The following ALK variants were observed in gnomAD, a reference collection of about 807,000 sequenced individuals.
ALK encodes the protein ALK tyrosine kinase receptor.
Under a neutral mutation model 163.1 loss-of-function variants are expected in ALK, and 74 were observed. That is an observed-to-expected ratio of 0.45 (90% CI 0.38 to 0.55). The LOEUF is 0.55. Ranked by LOEUF, ALK falls within the 20% of genes least tolerant of loss-of-function variation. ALK has a pLI of 0.00. For missense variants in ALK, 2,063 were observed against 2,105.3 expected, an observed-to-expected ratio of 0.98 and a Z score of 0.39; for synonymous variants, 960 against 843.2, an observed-to-expected ratio of 1.14 and a Z score of -2.40.
intron 1 of ALK, among the ~76,000 whole-genome samples, chr2:29,905,180 G>T (rs1166340984): frequency 2.6e-5 from 4 of 152,160 alleles, no homozygotes; most frequent in Non-Finnish European, 5.9e-5. Context: ...CTTATCAAGG[G>T]TCATTTACCA....
At chr2:29,621,032 A>G (rs1465517875) in intron 3 of ALK, among the ~76,000 whole-genome samples, 1 of 152,182 alleles carries the variant, frequency 6.6e-6, no homozygotes, top group South Asian at 2.1e-4. Flanking sequence ...AGGAAATTTC[A>G]TCTCAGGTGG....
intron 5 of ALK, among the ~76,000 whole-genome samples, chr2:29,333,827 G>C (rs1440163599): frequency 1.3e-5 from 2 of 152,110 alleles, no homozygotes; most frequent in Admixed American, 6.5e-5. Flanking sequence ...GCTCAGGCTG[G>C]TCTCGAATTC....
intron 1 of ALK, among the ~76,000 whole-genome samples, chr2:29,887,310 G>A (rs1286429325): frequency 6.6e-6 from 1 of 152,230 alleles, no homozygotes; most frequent in African/African-American, 2.4e-5. Context: ...ATAGCAGGAA[G>A]TCTGGGCTTA....
intron 4 of ALK, among the ~76,000 whole-genome samples, chr2:29,391,144 A>G (rs932208944): frequency 6.6e-6 from 1 of 152,082 alleles, no homozygotes; most frequent in African/African-American, 2.4e-5. Flanking sequence ...TCATTTCATC[A>G]GAGATGTTAT....
rs940004151 is a variant in ALK, at chr2:29,826,898, G to A, written c.667+93095C>T. Among the ~76,000 whole-genome samples the A allele has an allele frequency of 3.0e-4, 46 of 152,198 alleles. 1 individual carries two copies. Among genetic ancestry groups the A allele is most frequent in the African/African-American group, 1.0e-3 (43 of 41,440 alleles). ...TAATTCTCCAGGCATATGCCATGTC[G>A]GTATTAGTCAGATGTCAAACTTTAA... On this transcript the variant is annotated intron_variant, in intron 1 of 28. Coordinates refer to ENST00000389048, the MANE Select transcript of ALK (RefSeq NM_004304.5).
chr2:29,392,711 T>G, intron 4 of ALK, among the ~76,000 whole-genome samples: 1 of 151,586 alleles, frequency 6.6e-6, no homozygotes. Context: ...TGGGGAGGAG[T>G]AGGAGTAGAC....
At chr2:29,316,623 CG>C (rs1446047823) in intron 8 of ALK, among the ~76,000 whole-genome samples, 1 of 152,102 alleles carries the variant, frequency 6.6e-6, no homozygotes, top group Non-Finnish European at 1.5e-5. Context: ...CCGTCCTCTC[CG>C]GTGGGCCAAC....
intron 1 of ALK, among the ~76,000 whole-genome samples, chr2:29,810,791 T>A (rs1449028243): frequency 6.6e-6 from 1 of 152,148 alleles, no homozygotes; most frequent in Non-Finnish European, 1.5e-5. Flanking sequence ...GAAGCCCTAA[T>A]TCCCAATGCA....
At chr2:29,903,116 C>T (rs1667457905) in intron 1 of ALK, among the ~76,000 whole-genome samples, 1 of 152,108 alleles carries the variant, frequency 6.6e-6, no homozygotes, top group Admixed American at 6.5e-5. Flanking sequence ...GACTTTAAGT[C>T]TTTAAAGTCA....
chr2:29,919,959 T>C lies in ALK; in HGVS notation c.667+34A>G, dbSNP rs145827844. The C allele has an allele frequency of 1.1e-4, 176 of 1,608,852 alleles. 1 individual carries two copies. Among genetic ancestry groups the C allele is most frequent in the Middle Eastern group, 9.9e-4 (6 of 6,048 alleles). On this transcript the variant is annotated intron_variant, in intron 1 of 28. Transcript: ENST00000389048. ...TGCATATCAATGTGACTAAAAACAC[T>C]AAATCCCGGCACACTCAGGCGGGAG...
At chr2:29,542,824 A>G (rs1303469106) in intron 3 of ALK, among the ~76,000 whole-genome samples, 2 of 152,158 alleles carry the variant, frequency 1.3e-5, no homozygotes, top group Admixed American at 1.3e-4. Flanking sequence ...TATCCGTGGC[A>G]TTTGCTGGCC....
chr2:29,336,435 T>C (rs1667616320), intron 5 of ALK, among the ~76,000 whole-genome samples: 1 of 152,360 alleles, frequency 6.6e-6, no homozygotes, highest in Admixed American at 6.5e-5. Context: ...ATCTGTCACT[T>C]GCATCCTGGA....
chr2:29,712,628 TTGA>T (rs1209379559), intron 2 of ALK, among the ~76,000 whole-genome samples: 1 of 151,802 alleles, frequency 6.6e-6, no homozygotes. Context: ...TTTTTTTTTT[TTGA>T]GAGAGAGATA....
At chr2:29,642,692 C>A (rs1676739749) in intron 3 of ALK, among the ~76,000 whole-genome samples, 1 of 152,124 alleles carries the variant, frequency 6.6e-6, no homozygotes, top group African/African-American at 2.4e-5. Flanking sequence ...TCAACTCTCA[C>A]CTATTCAGCT....
intron 3 of ALK, among the ~76,000 whole-genome samples, chr2:29,691,474 T>G (rs762157482): frequency 2.6e-5 from 4 of 152,194 alleles, no homozygotes; most frequent in African/African-American, 9.7e-5. Context: ...TACTACCTGA[T>G]GCTAACAGTG....
intron 1 of ALK, among the ~76,000 whole-genome samples, chr2:29,744,098 T>C (rs1680139887): frequency 6.6e-6 from 1 of 152,208 alleles, no homozygotes; most frequent in Non-Finnish European, 1.5e-5. Flanking sequence ...CCTATTTTCA[T>C]ATTAGTTTCC....
At position 29,209,812 on chromosome 2, in the gene ALK, G is replaced by A. The variant is rs773207399; in HGVS notation, c.3810C>T (p.Asp1270=). The A allele has an allele frequency of 6.2e-6, 10 of 1,614,046 alleles. No individual in the cohort carries two copies. The Admixed American group carries it at 1.2e-4, about 19-fold the overall frequency. ...TGTAGATGTCTCGGGCCATCCCGAAGTCTCCAATCTTGGCCACTCTTCCAG... is the reference window on the plus strand; with the variant it reads ...TGTAGATGTCTCGGGCCATCCCGAAATCTCCAATCTTGGCCACTCTTCCAG... ...PGPGRVAKIG[D]FGMARDIYRA... Residue 1270 remains aspartate, a synonymous_variant, in exon 25 of 29, where the codon GAC becomes GAT. Transcript: ENST00000389048.
At chr2:29,275,312 G>C (rs1315104285) in intron 10 of ALK, 85 bp from the exon 11 acceptor site, 3 of 1,610,680 alleles carry the variant, frequency 1.9e-6, no homozygotes, top group East Asian at 2.2e-5. Context: ...GGAGGTGGGA[G>C]AGACAGTCAG....
intron 4 of ALK, among the ~76,000 whole-genome samples, chr2:29,477,914 T>C (rs747063545): frequency 3.9e-5 from 6 of 152,360 alleles, no homozygotes; most frequent in Non-Finnish European, 8.8e-5. Context: ...TAGGAGCCTA[T>C]AGGCGAAGCA....
Sources: allele counts gnomAD v4.1 joint callset (sites outside exome capture counted in the v4.1 genomes callset), GRCh38; gene constraint gnomAD v4.1.1; transcripts MANE v1.5; gene names NCBI Gene and HGNC (gene_info 2026-07-23, HGNC 2026-07-21).